The following INPP4B variants were observed in gnomAD, a reference collection of about 807,000 sequenced individuals.
The protein encoded by INPP4B is inositol polyphosphate-4-phosphatase type II B.
Under a neutral mutation model 122.5 loss-of-function variants are expected in INPP4B, and 55 were observed. The observed-to-expected ratio is 0.45, with a 90% CI of 0.36 to 0.56. The LOEUF is 0.56. INPP4B is among the 20% of genes least tolerant of loss of function. The probability of loss-of-function intolerance (pLI) is 0.00; values close to 1 mark genes in which losing one functional copy is unlikely to be tolerated. For synonymous variants in INPP4B, 403 were observed against 388.7 expected (o/e 1.04, Z -0.43); for missense variants, 1,000 against 1,097.7 (o/e 0.91, Z 1.26).
intron 25 of INPP4B, among the ~76,000 whole-genome samples, chr4:142,046,816 C>T (rs767066885): frequency 2.6e-5 from 4 of 151,828 alleles, no homozygotes; most frequent in Non-Finnish European, 5.9e-5. Context: ...CTGCAGTGGT[C>T]CCAGTGAAAA....
At chr4:142,311,989 A>G (rs758531498) in intron 8 of INPP4B, among the ~76,000 whole-genome samples, 4 of 152,176 alleles carry the variant, frequency 2.6e-5, no homozygotes, top group Non-Finnish European at 4.4e-5. Flanking sequence ...CTTCTATAAC[A>G]TGAGAAAAAC....
chr4:142,524,163 G>A (rs942379199), intron 2 of INPP4B, among the ~76,000 whole-genome samples: 1 of 151,948 alleles, frequency 6.6e-6, no homozygotes, highest in Non-Finnish European at 1.5e-5. Flanking sequence ...AGTCCTTTGG[G>A]TATATACCCA....
intron 2 of INPP4B, among the ~76,000 whole-genome samples, chr4:142,700,965 C>A (rs1761678376): frequency 6.6e-6 from 1 of 151,946 alleles, no homozygotes; most frequent in Non-Finnish European, 1.5e-5. Flanking sequence ...GGCTATAGAT[C>A]AAAAACAAAA....
rs553109781 is a variant in INPP4B at position 142,639,963 on chromosome 4, C to A, written c.-191+85876G>T. ...TGGTACTACTACTTCTAGATGTGAC[C>A]ATGCAGAAGCTAGAATTACAAAGTG... On this transcript the variant is annotated intron_variant, in intron 2 of 25. Coordinates refer to ENST00000262992, the MANE Select transcript of INPP4B (RefSeq NM_001101669.3). 1.2e-3 allele frequency among the ~76,000 whole-genome samples: 178 copies of A among 151,956 alleles called. 1 individual carries two copies. Among genetic ancestry groups the A allele is most frequent in the African/African-American group, 4.1e-3 (171 of 41,454 alleles).
chr4:142,176,427 A>G (rs560628893), intron 15 of INPP4B, among the ~76,000 whole-genome samples: 9 of 151,812 alleles, frequency 5.9e-5, no homozygotes, highest in African/African-American at 2.2e-4. Context: ...TATCCATTCC[A>G]TTTTACTCCT....
At chr4:142,660,150 T>C (rs192745002) in intron 2 of INPP4B, among the ~76,000 whole-genome samples, 9 of 152,232 alleles carry the variant, frequency 5.9e-5, no homozygotes, top group African/African-American at 2.2e-4. Flanking sequence ...GAGACATAGG[T>C]GAGAACAGAT....
chr4:142,523,545 G>A (rs939401403), intron 2 of INPP4B, among the ~76,000 whole-genome samples: 1 of 152,070 alleles, frequency 6.6e-6, no homozygotes, highest in Non-Finnish European at 1.5e-5. Context: ...ACTTGGCAAA[G>A]CAAGGCCAGG....
chr4:142,559,749 C>T (rs1730034669), intron 2 of INPP4B, among the ~76,000 whole-genome samples: 1 of 152,040 alleles, frequency 6.6e-6, no homozygotes, highest in South Asian at 2.1e-4. Flanking sequence ...CATTAAAATA[C>T]TTTAAACTCT....
At chr4:142,229,854 GA>G (rs1458322453) in intron 12 of INPP4B, among the ~76,000 whole-genome samples, 3 of 152,162 alleles carry the variant, frequency 2.0e-5, no homozygotes, top group Non-Finnish European at 4.4e-5. Flanking sequence ...GGATAGGGAA[GA>G]AGGAAAGTAA....
At chr4:142,455,019 T>C (rs1272233016) in intron 3 of INPP4B, among the ~76,000 whole-genome samples, 1 of 151,954 alleles carries the variant, frequency 6.6e-6, no homozygotes, top group Admixed American at 6.6e-5. Context: ...TTTTGAACAA[T>C]TTTTATATTT....
intron 25 of INPP4B, among the ~76,000 whole-genome samples, chr4:142,061,382 A>C (rs1760550349): frequency 1.3e-5 from 2 of 152,202 alleles, no homozygotes; most frequent in African/African-American, 2.4e-5. Context: ...ATTAGCAAAA[A>C]AAGTTACAAG....
At chr4:142,080,337 A>T (rs2152521872) in intron 25 of INPP4B, among the ~76,000 whole-genome samples, 1 of 152,180 alleles carries the variant, frequency 6.6e-6, no homozygotes, top group South Asian at 2.1e-4. Flanking sequence ...AAAGAAAAGA[A>T]CTCATCTTAT....
At chr4:142,209,169 T>C (rs1843796659) in intron 12 of INPP4B, 143 bp from the exon 13 acceptor site, 2 of 487,798 alleles carry the variant, frequency 4.1e-6, no homozygotes, top group South Asian at 8.7e-5. Flanking sequence ...AGCTTAAATA[T>C]TTTTTAAAAA....
At chr4:142,344,850 C>A (rs1779812494) in intron 7 of INPP4B, among the ~76,000 whole-genome samples, 1 of 151,916 alleles carries the variant, frequency 6.6e-6, no homozygotes, top group South Asian at 2.1e-4. Flanking sequence ...TGCACTTGTA[C>A]CTCTGAACTT....
intron 9 of INPP4B, chr4:142,287,201 G>C (rs534994242): frequency 6.6e-6 from 1 of 152,258 alleles, no homozygotes; most frequent in South Asian, 2.1e-4. Flanking sequence ...ACGTGCTTCT[G>C]AAGTTTCTGG....
At chr4:142,742,889 T>C (rs998705132) in intron 1 of INPP4B, among the ~76,000 whole-genome samples, 7 of 151,968 alleles carry the variant, frequency 4.6e-5, no homozygotes, top group Non-Finnish European at 5.9e-5. Context: ...ATTTCAGTTA[T>C]AATATCTTGC....
At chr4:142,258,246 A>C (rs1473960700) in intron 11 of INPP4B, among the ~76,000 whole-genome samples, 3 of 152,176 alleles carry the variant, frequency 2.0e-5, no homozygotes, top group African/African-American at 4.8e-5. Flanking sequence ...AAACCATAAA[A>C]ACCCTAGAAG....
At chr4:142,033,517 G>A (rs577320970) in intron 25 of INPP4B, among the ~76,000 whole-genome samples, 123 of 152,262 alleles carry the variant, frequency 8.1e-4, no homozygotes, top group Non-Finnish European at 1.5e-3. Context: ...CTGATCATTA[G>A]TGCTGAAAGG....
intron 1 of INPP4B, among the ~76,000 whole-genome samples, chr4:142,805,544 C>T (rs1778574355): frequency 6.6e-6 from 1 of 152,130 alleles, no homozygotes; most frequent in Non-Finnish European, 1.5e-5. Flanking sequence ...TGCAGATTTT[C>T]TTCCACCTCT....
Sources: allele counts gnomAD v4.1 joint callset (sites outside exome capture counted in the v4.1 genomes callset), GRCh38; gene constraint gnomAD v4.1.1; transcripts MANE v1.5; gene names NCBI Gene and HGNC (gene_info 2026-07-23, HGNC 2026-07-21).